Variants in TREM1 observed in about 807,000 individuals in gnomAD.
TREM1 encodes the protein triggering receptor expressed on myeloid cells 1.
Under a neutral mutation model 22.4 loss-of-function variants are expected in TREM1, and 16 were observed. That is an observed-to-expected ratio of 0.71 (90% CI 0.48 to 1.08). TREM1 has a LOEUF of 1.08. Ranked by LOEUF, TREM1 falls within the 50% of genes least tolerant of loss-of-function variation. The probability of loss-of-function intolerance (pLI) is 0.00; values close to 1 mark genes in which losing one functional copy is unlikely to be tolerated. For missense variants in TREM1, 283 were observed against 282.9 expected (o/e 1.00, Z 0.00); for synonymous variants, 110 against 111.6 (o/e 0.99, Z 0.09).
downstream of TREM1, among the ~76,000 whole-genome samples, chr6:41,271,189 C>A (rs1476437412): frequency 5.3e-5 from 8 of 152,170 alleles, no homozygotes; most frequent in Admixed American, 5.2e-4. Flanking sequence ...TCACCCTACA[C>A]CTGGTTCCAT....
chr6:41,276,592 C>T (rs1349701830), intron 3 of TREM1, among the ~76,000 whole-genome samples: 1 of 152,118 alleles, frequency 6.6e-6, no homozygotes, highest in African/African-American at 2.4e-5. Context: ...CTCTTTAGCT[C>T]GGTTTCCTCA....
chr6:41,281,234 G>A (rs1296281637), intron 2 of TREM1, 81 bp from the exon 3 acceptor site: 2 of 1,478,338 alleles, frequency 1.4e-6, no homozygotes, highest in Admixed American at 2.1e-5. Flanking sequence ...ATGTATGGAT[G>A]TATGGATGAA....
At chr6:41,280,100 A>T in intron 3 of TREM1, 1 of 937,040 alleles carries the variant, frequency 1.1e-6, no homozygotes, top group East Asian at 1.2e-4. Context: ...AAAAACATGT[A>T]TAATTAGACT....
chr6:41,267,501 A>G (rs6458209), downstream of TREM1, among the ~76,000 whole-genome samples: 688 of 152,342 alleles, frequency 4.5e-3, 4 homozygotes, highest in African/African-American at 0.015. Context: ...ATGCATGCAA[A>G]TAGACATGGA....
intron 1 of TREM1, among the ~76,000 whole-genome samples, chr6:41,283,117 G>A (rs531692506): frequency 2.6e-5 from 4 of 152,298 alleles, no homozygotes; most frequent in South Asian, 2.1e-4. Context: ...TTACAAGGGC[G>A]TATGACATAA....
At position 41,282,729 on chromosome 6, in the gene TREM1, T is replaced by G. The variant is rs764567334; in HGVS notation, c.72A>C (p.Leu24Phe). The change falls in exon 2 of 4, where the codon TTA (leucine) becomes TTC (phenylalanine). Residue 24 changes from leucine (L) to phenylalanine (F), a missense_variant. Transcript: ENST00000244709. Reference protein sequence around the residue: ...FVSELRAATKLTEEKYELKEG... With the variant: ...FVSELRAATKFTEEKYELKEG... ...CTTTCAGTTCATACTTTTCCTCAGT[T>G]AATTTAGTTGCAGCTCGGAGTTCTA... The G allele has an allele frequency of 6.2e-7, 1 of 1,613,506 alleles. No homozygotes were observed.
downstream of TREM1, among the ~76,000 whole-genome samples, chr6:41,272,722 G>GTATGGGCT (rs1767518257): frequency 2.0e-5 from 3 of 152,284 alleles, no homozygotes; most frequent in Admixed American, 2.0e-4. Flanking sequence ...TGAGTACCAG[G>GTATGGGCT]TATGGGCTTC....
At chr6:41,267,935 T>A in exon 4 of TREM1, 1 of 398,650 alleles carries the variant, frequency 2.5e-6, no homozygotes, top group Non-Finnish European at 4.4e-6. Flanking sequence ...TTGCCATCTT[T>A]CAGGGCGTAG....
Position 41,282,759 on chromosome 6 carries a change from C to T in TREM1, c.50-8G>A, listed in dbSNP as rs756247829. Reference sequence around the variant, plus strand: ...TAGTTGCAGCTCGGAGTTCTATAAGCAGGGAAAGAGAATGGGTTCTGTGAG... The same window carrying T: ...TAGTTGCAGCTCGGAGTTCTATAAGTAGGGAAAGAGAATGGGTTCTGTGAG... On this transcript the variant is annotated splice_region_variant and splice_polypyrimidine_tract_variant and intron_variant, in intron 1 of 3. Coordinates refer to ENST00000244709, the MANE Select transcript of TREM1 (RefSeq NM_018643.5). The T allele has an allele frequency of 1.9e-6, 3 of 1,604,846 alleles. No homozygotes were observed. The South Asian group carries it at 3.3e-5, about 18-fold the overall frequency.
downstream of TREM1, among the ~76,000 whole-genome samples, chr6:41,270,551 C>A (rs371544971): frequency 6.6e-6 from 1 of 151,242 alleles, no homozygotes; most frequent in Non-Finnish European, 1.5e-5. Context: ...TTTGAATCTA[C>A]GTGATGAGTT....
rs1249692905 is a variant in TREM1 at position 41,282,567 on chromosome 6, A to T, written c.234T>A (p.His78Gln). 1.2e-6 allele frequency: 2 copies of T among 1,614,054 alleles called. No individual in the cohort carries two copies. The highest frequency in any genetic ancestry group is 1.3e-5 in the African/African-American group (1 of 74,920). Residue 78 changes from histidine (H) to glutamine (Q), a missense_variant, in exon 2 of 4, where the codon CAT (histidine) becomes CAA (glutamine). His to Gln is a conservative substitution (Grantham distance 24). Transcript: ENST00000244709. Reference sequence around the variant, plus strand: ...GTATGATCCTCCCCACTTGGACTGGATGGGAATTCTTTGAAGGCCTCTCTG... The same window carrying T: ...GTATGATCCTCCCCACTTGGACTGGTTGGGAATTCTTTGAAGGCCTCTCTG... ...ACTERPSKNS[H>Q]PVQVGRIILE...
At chr6:41,277,082 A>AC (rs1767700858) in intron 3 of TREM1, among the ~76,000 whole-genome samples, 1 of 151,892 alleles carries the variant, frequency 6.6e-6, no homozygotes, top group African/African-American at 2.4e-5. Flanking sequence ...TAAAAAAAAA[A>AC]CAATCCAAGA....
rs1767640901 is a variant in TREM1 at position 41,275,800 on chromosome 6, C to T, written c.*325G>A. ...GGAGAAGTATCAGGTGTGCCTTCTGCATGTCACAGCCCCCACAAGAGAATT... is the reference window on the plus strand; with the variant it reads ...GGAGAAGTATCAGGTGTGCCTTCTGTATGTCACAGCCCCCACAAGAGAATT... On this transcript the variant is annotated 3_prime_UTR_variant, in exon 4 of 4. Transcript: ENST00000244709. 8.5e-6 allele frequency: 3 copies of T among 351,504 alleles called. No homozygotes were observed. Among genetic ancestry groups the T allele is most frequent in the African/African-American group, 6.3e-5 (3 of 47,640 alleles). The allele number at this position is 351,504 out of a possible 1,614,324, so 21.8% of individuals were successfully genotyped here.
chr6:41,269,821 T>C (rs926197227), downstream of TREM1: 1 of 152,284 alleles, frequency 6.6e-6, no homozygotes, highest in African/African-American at 2.4e-5. Flanking sequence ...GTCCAGCTCA[T>C]TGGCTGTGCC....
At chr6:41,268,164 T>TC in intron 3 of TREM1, 1 of 398,028 alleles carries the variant, frequency 2.5e-6, no homozygotes, top group Non-Finnish European at 4.4e-6. Context: ...TCACTTGGCA[T>TC]CCTTTATGGT....
In TREM1 at chr6:41,281,054, G is replaced by A; in HGVS notation, c.506C>T (p.Pro169Leu). The change falls in exon 3 of 4, where the codon CCC becomes CTC. Residue 169 changes from proline to leucine, a missense_variant. Coordinates refer to ENST00000244709, the MANE Select transcript of TREM1 (RefSeq NM_018643.5). The stretch of plus-strand genomic sequence containing the variant: ...GGGTGGAGCTTGGGTCACAGTTCTG[G>A]GGCTGGTATAGAGTGGGCACAAGGC... ...TKALCPLYTS[P>L]RTVTQAPPKS... is the part of the protein sequence containing the mutation. 1 of 1,614,210 alleles carries A rather than the reference G, an allele frequency of 6.2e-7. No individual in the cohort carries two copies. The highest frequency in any genetic ancestry group is 1.3e-5 in the African/African-American group (1 of 75,030).
downstream of TREM1, among the ~76,000 whole-genome samples, chr6:41,273,289 A>G (rs34353646): frequency 0.15 from 23,287 of 152,042 alleles, 1,792 homozygotes; most frequent in Middle Eastern, 0.22. Flanking sequence ...TTCTAAACCC[A>G]ATCCCCCAGC....
At chr6:41,269,700 A>G (rs1451562352), downstream of TREM1, among the ~76,000 whole-genome samples, 1 of 152,172 alleles carries the variant, frequency 6.6e-6, no homozygotes, top group African/African-American at 2.4e-5. Context: ...TTTCTCAAAA[A>G]AGTCACAAAG....
At chr6:41,270,138 T>C (rs939770588), downstream of TREM1, 1 of 152,188 alleles carries the variant, frequency 6.6e-6, no homozygotes, top group Non-Finnish European at 1.5e-5. Context: ...TGGAGGCATA[T>C]TTCATGATGT....
Sources: allele counts gnomAD v4.1 joint callset (sites outside exome capture counted in the v4.1 genomes callset), GRCh38; gene constraint gnomAD v4.1.1; transcripts MANE v1.5; gene names NCBI Gene and HGNC (gene_info 2026-07-23, HGNC 2026-07-21).